The following CACNA2D3 variants were observed in gnomAD, a reference collection of about 807,000 sequenced individuals.
CACNA2D3 encodes voltage-dependent calcium channel subunit alpha-2/delta-3.
Under a neutral mutation model 160.6 loss-of-function variants are expected in CACNA2D3, and 60 were observed. The ratio of observed to expected loss-of-function variants is 0.37; its 90% CI spans 0.30 to 0.46. The LOEUF is 0.46. CACNA2D3 is among the 20% of genes least tolerant of loss of function. The pLI is 1.00. For synonymous variants in CACNA2D3, 558 were observed against 492.9 expected (o/e 1.13, Z -1.75); for missense variants, 1,205 against 1,365.0 (o/e 0.88, Z 1.85).
rs200346914 is a variant in CACNA2D3 at position 55,057,496 on chromosome 3, C to CTGAA, written c.2988-15948_2988-15945dup. Among the ~76,000 whole-genome samples, 938 of 152,250 alleles carry CTGAA rather than the reference C, an allele frequency of 6.2e-3. 8 individuals are homozygous for CTGAA. The highest frequency in any genetic ancestry group is 0.011 in the Non-Finnish European group (735 of 68,018). On this transcript the variant is annotated intron_variant, in intron 35 of 37. Coordinates refer to ENST00000474759, the MANE Select transcript of CACNA2D3 (RefSeq NM_018398.3). The stretch of plus-strand genomic sequence containing the variant: ...GGAAGAAGATAATGGCAATAGCTAA[C>CTGAA]TGAAGTCTGTTAACAGCCTGGAGAA...
At chr3:54,897,390 A>T (rs1302518859) in intron 26 of CACNA2D3, among the ~76,000 whole-genome samples, 1 of 152,240 alleles carries the variant, frequency 6.6e-6, no homozygotes. Flanking sequence ...AGAGTTTATG[A>T]TATGATAGTA....
At chr3:54,124,844 A>G (rs1376975075) in intron 2 of CACNA2D3, among the ~76,000 whole-genome samples, 4 of 152,208 alleles carry the variant, frequency 2.6e-5, no homozygotes, top group Non-Finnish European at 5.9e-5. Context: ...CAGTTGGTAA[A>G]CAGTTGAGGC....
At chr3:54,385,556 A>G (rs1285305950) in intron 3 of CACNA2D3, among the ~76,000 whole-genome samples, 1 of 152,172 alleles carries the variant, frequency 6.6e-6, no homozygotes, top group Non-Finnish European at 1.5e-5. Flanking sequence ...GTCTGTGGGC[A>G]GCACTGTCTC....
At chr3:54,349,256 A>G (rs1439303619) in intron 3 of CACNA2D3, among the ~76,000 whole-genome samples, 1 of 152,216 alleles carries the variant, frequency 6.6e-6, no homozygotes, top group Non-Finnish European at 1.5e-5. Context: ...GAAGCAGAGC[A>G]AGAGGCGCCC....
intron 11 of CACNA2D3, among the ~76,000 whole-genome samples, chr3:54,691,407 A>G (rs1300344567): frequency 1.3e-5 from 2 of 152,220 alleles, no homozygotes; most frequent in African/African-American, 4.8e-5. Flanking sequence ...TGTGTAATCA[A>G]CAAAGGAACA....
rs897641661 is a variant in CACNA2D3, at chr3:55,007,936, T to G, written c.2819+94T>G. 26 of 779,044 alleles carry G rather than the reference T, an allele frequency of 3.3e-5. No homozygotes were observed. In the East Asian group the frequency reaches 7.9e-4, roughly 24 times the overall value. The allele number at this position is 779,044 out of a possible 1,614,324, so 48.3% of individuals were successfully genotyped here. On this transcript the variant is annotated intron_variant, in intron 33 of 37. Coordinates refer to ENST00000474759, the MANE Select transcript of CACNA2D3 (RefSeq NM_018398.3). ...AAGAGATTGTGAGTCATGCCTTCAA[T>G]AACCATTAGATTCCTAGTACTCTGA... is the stretch of plus-strand genomic sequence containing the variant.
chr3:54,464,355 T>A (rs1431386579), intron 4 of CACNA2D3, among the ~76,000 whole-genome samples: 1 of 152,174 alleles, frequency 6.6e-6, no homozygotes, highest in Non-Finnish European at 1.5e-5. Flanking sequence ...TCTTTTTGTT[T>A]GTCTGTGCCC....
intron 2 of CACNA2D3, among the ~76,000 whole-genome samples, chr3:54,300,201 A>C (rs926837612): frequency 3.3e-5 from 5 of 152,218 alleles, no homozygotes; most frequent in African/African-American, 1.2e-4. Flanking sequence ...GAGTTCCATG[A>C]AAGCATTTTT....
At chr3:54,851,706 A>C (rs1481584414) in intron 17 of CACNA2D3, among the ~76,000 whole-genome samples, 3 of 152,260 alleles carry the variant, frequency 2.0e-5, no homozygotes, top group Non-Finnish European at 4.4e-5. Flanking sequence ...ATTTTCTAGG[A>C]GCCACATCTA....
chr3:54,252,193 T>C (rs1262136440), intron 2 of CACNA2D3, among the ~76,000 whole-genome samples: 1 of 148,200 alleles, frequency 6.7e-6, no homozygotes, highest in Non-Finnish European at 1.5e-5. Flanking sequence ...GAAAAATCTT[T>C]GTTTTCTTGC....
chr3:54,136,940 G>C (rs1000379114), intron 2 of CACNA2D3, among the ~76,000 whole-genome samples: 2 of 152,222 alleles, frequency 1.3e-5, no homozygotes, highest in African/African-American at 2.4e-5. Flanking sequence ...CTCTGGGAAG[G>C]CTTCTGGCTT....
chr3:54,852,816 C>T (rs1307840422), intron 17 of CACNA2D3, among the ~76,000 whole-genome samples: 1 of 152,182 alleles, frequency 6.6e-6, no homozygotes, highest in East Asian at 1.9e-4. Context: ...GCTAACTAGA[C>T]AGTGCACATC....
At chr3:54,960,952 C>T (rs1702017008) in intron 27 of CACNA2D3, among the ~76,000 whole-genome samples, 1 of 152,168 alleles carries the variant, frequency 6.6e-6, no homozygotes, top group African/African-American at 2.4e-5. Flanking sequence ...GAGTTATTTT[C>T]CTTGATGCTC....
intron 9 of CACNA2D3, among the ~76,000 whole-genome samples, chr3:54,618,562 G>T (rs1446067818): frequency 6.6e-6 from 1 of 151,986 alleles, no homozygotes; most frequent in Admixed American, 6.6e-5. Context: ...TTTATAAAAC[G>T]CTACAAATCT....
rs748524522 is a variant in CACNA2D3, at chr3:54,320,466, G to A, written c.229G>A (p.Val77Ile). The stretch of plus-strand genomic sequence containing the variant: ...GAAATACAAAGAGTATGAGAAAGAC[G>A]TTGCCATAGAAGAAATTGATGGCCT... ...QKKYKEYEKD[V>I]AIEEIDGLQL... Residue 77 changes from valine to isoleucine, a missense_variant, in exon 3 of 38, where the codon GTT (valine) becomes ATT (isoleucine). Physicochemically the swap from Val to Ile is conservative, Grantham distance 29 (BLOSUM62 3). Transcript: ENST00000474759. 9.6e-6 allele frequency: 15 copies of A among 1,554,784 alleles called. No individual in the cohort carries two copies. Among genetic ancestry groups the A allele is most frequent in the African/African-American group, 5.5e-5 (4 of 73,318 alleles).
At chr3:54,419,576 A>T (rs1699807289) in intron 4 of CACNA2D3, among the ~76,000 whole-genome samples, 1 of 152,176 alleles carries the variant, frequency 6.6e-6, no homozygotes, top group Non-Finnish European at 1.5e-5. Context: ...TATTTATTAT[A>T]TTCTATACTT....
chr3:54,878,308 T>G (rs969673313), intron 18 of CACNA2D3, among the ~76,000 whole-genome samples: 1 of 152,138 alleles, frequency 6.6e-6, no homozygotes, highest in African/African-American at 2.4e-5. Context: ...TTGGTGCCCA[T>G]GACGGCACAT....
intron 3 of CACNA2D3, among the ~76,000 whole-genome samples, chr3:54,380,572 A>G (rs796191568): frequency 1.3e-5 from 2 of 152,120 alleles, no homozygotes; most frequent in South Asian, 4.2e-4. Context: ...TCCTGTCTCT[A>G]CTAAAAATAC....
rs149465060 is a variant in CACNA2D3, at chr3:54,982,802, C to T, written c.2557-1806C>T. On this transcript the variant is annotated intron_variant, in intron 29 of 37. Coordinates refer to ENST00000474759, the MANE Select transcript of CACNA2D3 (RefSeq NM_018398.3). ...CAATAGGGTAACTTCTTGACATTGC[C>T]GTGACATTTCTATACTGTCATGGCA... Among the ~76,000 whole-genome samples the T allele has an allele frequency of 2.0e-5, 3 of 151,752 alleles. No individual in the cohort carries two copies. The East Asian group carries it at 5.8e-4, about 29-fold the overall frequency.
Sources: allele counts gnomAD v4.1 joint callset (sites outside exome capture counted in the v4.1 genomes callset), GRCh38; gene constraint gnomAD v4.1.1; transcripts MANE v1.5; gene names NCBI Gene and HGNC (gene_info 2026-07-23, HGNC 2026-07-21).